ZCCHC7: variants seen among roughly 807,000 people sequenced by gnomAD.
ZCCHC7 encodes zinc finger CCHC-type containing 7.
In ZCCHC7, 35 loss-of-function variants were observed where a neutral mutation model predicts 52.0. The observed-to-expected ratio is 0.67, with a 90% CI of 0.51 to 0.89. The LOEUF (loss-of-function observed/expected upper bound fraction) is 0.89. ZCCHC7 is among the 40% of genes least tolerant of loss of function. The pLI, the probability that ZCCHC7 is intolerant of heterozygous loss-of-function variation, is 0.00. For synonymous variants in ZCCHC7, 217 were observed against 221.5 expected (o/e 0.98, Z 0.18); for missense variants, 574 against 649.1 (o/e 0.88, Z 1.26).
intron 2 of ZCCHC7, among the ~76,000 whole-genome samples, chr9:37,297,965 T>G (rs2133674390): frequency 6.6e-6 from 1 of 152,306 alleles, no homozygotes; most frequent in Non-Finnish European, 1.5e-5. Context: ...CCCAGAACGT[T>G]TGAAATGTGA....
intron 2 of ZCCHC7, among the ~76,000 whole-genome samples, chr9:37,129,573 A>G (rs1842689320): frequency 6.6e-6 from 1 of 152,210 alleles, no homozygotes; most frequent in Non-Finnish European, 1.5e-5. Context: ...TTTAGAGAGA[A>G]GATTTTTCTC....
chr9:37,228,390 T>A (rs1825224649), intron 2 of ZCCHC7, among the ~76,000 whole-genome samples: 5 of 147,706 alleles, frequency 3.4e-5, no homozygotes, highest in Admixed American at 3.4e-4. Context: ...TATTTATTTA[T>A]TTTTTTTTTT....
rs1444384736 is a variant in ZCCHC7 at position 37,124,536 on chromosome 9, C to G, written c.-21-1776C>G. ...TTGTTTAGCAGAGTGCATATAGTTC[C>G]TGCCCTCCTGGGATTTGTGATCTGC... On this transcript the variant is annotated intron_variant, in intron 1 of 8. Coordinates refer to ENST00000336755, the MANE Select transcript of ZCCHC7 (RefSeq NM_032226.3). Among the ~76,000 whole-genome samples, 3 of 152,088 alleles carry G rather than the reference C, an allele frequency of 2.0e-5. No individual in the cohort carries two copies. The East Asian group carries it at 5.8e-4, about 29-fold the overall frequency.
chr9:37,222,980 A>G (rs1384514417), intron 2 of ZCCHC7, among the ~76,000 whole-genome samples: 1 of 152,150 alleles, frequency 6.6e-6, no homozygotes, highest in Non-Finnish European at 1.5e-5. Context: ...GCAGATCATG[A>G]TAAAATGAGC....
At chr9:37,215,913 A>G (rs796741391) in intron 2 of ZCCHC7, among the ~76,000 whole-genome samples, 12 of 152,326 alleles carry the variant, frequency 7.9e-5, no homozygotes, top group African/African-American at 2.6e-4. Flanking sequence ...ATTTTGTTAT[A>G]TAAGAGGAAA....
At position 37,304,298 on chromosome 9, in the gene ZCCHC7, C is replaced by T; in HGVS notation, c.765C>T (p.Asn255=). The part of the protein sequence containing the change: ...NCDKRGHLSK[N]CPLPRKVRRC... ...ACAAACGTGGTCATTTATCAAAAAACTGCCCCTTACCACGAGTACGTGAAA... is the reference window on the plus strand; with the variant it reads ...ACAAACGTGGTCATTTATCAAAAAATTGCCCCTTACCACGAGTACGTGAAA... Residue 255 remains asparagine (N), a synonymous_variant, in exon 4 of 9, where the codon AAC becomes AAT. Coordinates refer to ENST00000336755, the MANE Select transcript of ZCCHC7 (RefSeq NM_032226.3). 1 of 1,612,598 alleles carries T rather than the reference C, an allele frequency of 6.2e-7. No individual in the cohort carries two copies. The highest frequency in any genetic ancestry group is 1.3e-5 in the African/African-American group (1 of 74,878).
intron 2 of ZCCHC7, among the ~76,000 whole-genome samples, chr9:37,255,351 C>G (rs540333246): frequency 6.6e-6 from 1 of 151,864 alleles, no homozygotes; most frequent in African/African-American, 2.4e-5. Flanking sequence ...CATTGTGATA[C>G]CTTAACAGTT....
chr9:37,202,777 C>T (rs556221586), intron 2 of ZCCHC7, among the ~76,000 whole-genome samples: 7 of 152,330 alleles, frequency 4.6e-5, no homozygotes, highest in Admixed American at 1.3e-4. Flanking sequence ...CCATCACGCC[C>T]GGCCCTTATA....
At chr9:37,349,260 T>C in intron 6 of ZCCHC7, 97 bp from the exon 7 acceptor site, 2 of 1,233,298 alleles carry the variant, frequency 1.6e-6, no homozygotes, top group Non-Finnish European at 2.3e-6. Flanking sequence ...TCTAAGAAAC[T>C]TCTAAGGAAT....
chr9:37,336,181 T>G (rs889474392), intron 6 of ZCCHC7, among the ~76,000 whole-genome samples: 2 of 152,166 alleles, frequency 1.3e-5, no homozygotes, highest in Admixed American at 6.5e-5. Flanking sequence ...CAGCCTGATT[T>G]CATAGCAAAA....
chr9:37,190,023 C>T (rs1293897630), intron 2 of ZCCHC7, among the ~76,000 whole-genome samples: 1 of 152,228 alleles, frequency 6.6e-6, no homozygotes, highest in Non-Finnish European at 1.5e-5. Context: ...TAATCCTCCC[C>T]TCTTTATACT....
At chr9:37,263,915 G>A (rs1193601612) in intron 2 of ZCCHC7, among the ~76,000 whole-genome samples, 3 of 152,164 alleles carry the variant, frequency 2.0e-5, no homozygotes, top group African/African-American at 7.2e-5. Context: ...CCAAATTGTA[G>A]AAAGAAGTTA....
intron 2 of ZCCHC7, among the ~76,000 whole-genome samples, chr9:37,253,328 T>A (rs530880642): frequency 2.0e-5 from 3 of 151,974 alleles, no homozygotes; most frequent in Non-Finnish European, 4.4e-5. Context: ...TCACTTATGG[T>A]GAGGTTGGCT....
intron 3 of ZCCHC7, among the ~76,000 whole-genome samples, chr9:37,302,902 G>A (rs1305997593): frequency 1.3e-5 from 2 of 152,050 alleles, no homozygotes; most frequent in African/African-American, 4.8e-5. Context: ...GGATTCCAGT[G>A]GAAAGAAATT....
intron 2 of ZCCHC7, among the ~76,000 whole-genome samples, chr9:37,257,266 G>A (rs1229007717): frequency 1.3e-5 from 2 of 152,148 alleles, no homozygotes; most frequent in Non-Finnish European, 2.9e-5. Flanking sequence ...TCCTAGTAGA[G>A]AGGTGGGCAG....
intron 2 of ZCCHC7, among the ~76,000 whole-genome samples, chr9:37,143,940 G>A (rs746250616): frequency 2.0e-5 from 3 of 151,546 alleles, no homozygotes; most frequent in Non-Finnish European, 3.0e-5. Flanking sequence ...GATATTTTGC[G>A]GCAGACAGTT....
At chr9:37,235,501 T>G (rs1825602394) in intron 2 of ZCCHC7, among the ~76,000 whole-genome samples, 1 of 138,622 alleles carries the variant, frequency 7.2e-6, no homozygotes, top group Admixed American at 7.1e-5. Context: ...CCTTCCTTCT[T>G]TTTCTCCCTT....
chr9:37,315,727 T>C (rs943776244), intron 5 of ZCCHC7, among the ~76,000 whole-genome samples: 3 of 151,068 alleles, frequency 2.0e-5, no homozygotes, highest in African/African-American at 4.9e-5. Flanking sequence ...CCAGTTCTAA[T>C]GTAGCAGGAA....
At chr9:37,223,287 A>C (rs1333459220) in intron 2 of ZCCHC7, among the ~76,000 whole-genome samples, 1 of 152,230 alleles carries the variant, frequency 6.6e-6, no homozygotes, top group Non-Finnish European at 1.5e-5. Flanking sequence ...TGGTATCTAC[A>C]TACAACTGAA....
Sources: gnomAD v4.1 joint callset for allele counts (sites outside exome capture counted in the v4.1 genomes callset) on GRCh38, gnomAD v4.1.1 for gene constraint, MANE v1.5 for transcripts, NCBI Gene and HGNC (gene_info 2026-07-23, HGNC 2026-07-21) for gene names.